The following ST14 variants were observed in gnomAD, a reference collection of about 807,000 sequenced individuals.
The protein encoded by ST14 is ST14 transmembrane serine protease matriptase.
A neutral mutation model predicts 96.5 loss-of-function variants in ST14; 40 were observed. That is an observed-to-expected ratio of 0.41 (90% CI 0.32 to 0.54). ST14 has a LOEUF of 0.54. ST14 is among the 20% of genes least tolerant of loss of function. The probability of loss-of-function intolerance (pLI) is 0.17; values close to 1 mark genes in which losing one functional copy is unlikely to be tolerated. For missense variants in ST14, 1,066 were observed against 1,188.9 expected, an observed-to-expected ratio of 0.90 and a Z score of 1.52; for synonymous variants, 506 against 492.1, an observed-to-expected ratio of 1.03 and a Z score of -0.37.
chr11:130,209,469 G>A lies in ST14; in HGVS notation c.2297G>A (p.Gly766Asp). 1.9e-6 allele frequency: 3 copies of A among 1,586,552 alleles called. No homozygotes were observed. The highest frequency in any genetic ancestry group is 2.6e-6 in the Non-Finnish European group (3 of 1,166,654). The change falls in exon 18 of 19, where the codon GGT becomes GAT. Residue 766 changes from glycine (G) to aspartate (D), a missense_variant. Gly to Asp is a moderately conservative substitution (Grantham distance 94). Coordinates refer to ENST00000278742, the MANE Select transcript of ST14 (RefSeq NM_021978.4). ...GGTGALILQK[G>D]EIRVINQTTC... is the part of the protein sequence containing the mutation. ...ACTGGCGCGCTGATCCTGCAAAAGG[G>A]TGAGATCCGCGTCATCAACCAGACC...
intron 17 of ST14, among the ~76,000 whole-genome samples, chr11:130,208,988 T>C (rs1953518056): frequency 6.6e-6 from 1 of 152,102 alleles, no homozygotes; most frequent in Non-Finnish European, 1.5e-5. Context: ...AGCCCAGTGG[T>C]GCTTAAGGCA....
chr11:130,183,719 G>C (rs904208624), intron 1 of ST14, among the ~76,000 whole-genome samples: 9 of 152,100 alleles, frequency 5.9e-5, no homozygotes, highest in Admixed American at 2.6e-4. Flanking sequence ...TGCATTTTTT[G>C]TCAGATTTAC....
In ST14 at chr11:130,188,291, T is replaced by G. The variant is rs754373507; in HGVS notation, c.241+18T>G. 4 of 1,609,304 alleles carry G rather than the reference T, an allele frequency of 2.5e-6. No individual in the cohort carries two copies. Among genetic ancestry groups the G allele is most frequent in the Non-Finnish European group, 3.4e-6 (4 of 1,176,864 alleles). On this transcript the variant is annotated intron_variant, in intron 2 of 18. Transcript: ENST00000278742. The surrounding 1 kb of genome is among the most constrained non-coding windows in gnomAD (Gnocchi z 5.4). ...TTTGCAGTGTGAGTAAAGCTGGGGC[T>G]GGCTCCGGGGAGGACGACAAGGGGT...
chr11:130,170,527 G>A (rs759981213), intron 1 of ST14, among the ~76,000 whole-genome samples: 8 of 152,240 alleles, frequency 5.3e-5, no homozygotes, highest in South Asian at 2.1e-4. Context: ...GAGAAAGTAC[G>A]GTGGCTTGTT....
At chr11:130,171,912 G>C (rs1953095367) in intron 1 of ST14, among the ~76,000 whole-genome samples, 1 of 152,226 alleles carries the variant, frequency 6.6e-6, no homozygotes. Context: ...AGTCCAGGGA[G>C]AGCCACGAAG....
intron 6 of ST14, 146 bp downstream of exon 6, chr11:130,190,294 C>G: frequency 6.8e-7 from 1 of 1,475,750 alleles, no homozygotes; most frequent in Non-Finnish European, 9.3e-7. Flanking sequence ...CTTCCAGGCC[C>G]TTCTGAGAAG....
chr11:130,209,854 C>T lies in ST14; in HGVS notation c.*31C>T, dbSNP rs765068566. 2.9e-5 allele frequency: 47 copies of T among 1,610,294 alleles called. No homozygotes were observed. The East Asian group carries it at 8.0e-4, about 28-fold the overall frequency. On this transcript the variant is annotated 3_prime_UTR_variant, in exon 19 of 19. Transcript: ENST00000278742. ...GGGGCCACCCAAATGTGTACACCTG[C>T]GGGGCCACCCATCGTCCACCCCAGT...
chr11:130,166,574 G>A (rs1565617053), intron 1 of ST14, among the ~76,000 whole-genome samples: 1 of 152,192 alleles, frequency 6.6e-6, no homozygotes, highest in Non-Finnish European at 1.5e-5. Context: ...GACACCAGCT[G>A]GGAGGGAAAG....
intron 1 of ST14, among the ~76,000 whole-genome samples, chr11:130,164,917 A>G (rs1953029425): frequency 6.6e-6 from 1 of 150,942 alleles, no homozygotes; most frequent in Non-Finnish European, 1.5e-5. Flanking sequence ...TTGTATTTTT[A>G]GTAGAGATGG....
intron 16 of ST14, among the ~76,000 whole-genome samples, chr11:130,201,567 C>A (rs1201073530): frequency 6.6e-6 from 1 of 152,262 alleles, no homozygotes; most frequent in Admixed American, 6.5e-5. Context: ...TCGCTGGGTG[C>A]TTGACACGTG....
chr11:130,195,296 G>C (rs1953348456), intron 9 of ST14, among the ~76,000 whole-genome samples: 10 of 151,870 alleles, frequency 6.6e-5, no homozygotes, highest in Admixed American at 6.6e-4. Flanking sequence ...ATGTGTCTTA[G>C]GGCCCAGGGT....
intron 1 of ST14, among the ~76,000 whole-genome samples, chr11:130,173,812 C>T (rs1953114228): frequency 6.6e-6 from 1 of 152,028 alleles, no homozygotes; most frequent in African/African-American, 2.4e-5. Context: ...CTCTGTAACC[C>T]CTCTGTCCAC....
chr11:130,160,924 G>C (rs1301484852), intron 1 of ST14, among the ~76,000 whole-genome samples: 4 of 152,182 alleles, frequency 2.6e-5, no homozygotes, highest in African/African-American at 9.7e-5. Flanking sequence ...TCAGGGCGGC[G>C]CTGAGAGGCA....
At position 130,194,640 on chromosome 11, in the gene ST14, G is replaced by A; in HGVS notation, c.1016G>A (p.Ser339Asn). 1 of 1,614,130 alleles carries A rather than the reference G, an allele frequency of 6.2e-7. No homozygotes were observed. Among genetic ancestry groups the A allele is most frequent in the South Asian group, 1.1e-5 (1 of 91,082 alleles). Residue 339 changes from serine to asparagine, a missense_variant and splice_region_variant, in exon 9 of 19, where the codon AGC (serine) becomes AAC (asparagine). Coordinates refer to ENST00000278742, the MANE Select transcript of ST14 (RefSeq NM_021978.4). ...ATFFQLPRMS[S>N]CGGRLRKAQG... ...TGCTTTCTCCCACCTTCCCTCTCAG[G>A]CTGTGGAGGCCGCTTACGTAAAGCC...
chr11:130,192,642 T>A lies in ST14; in HGVS notation c.876-1507T>A, dbSNP rs1012445055. ...CCTGACCTCAGGCAATCTGCCTGCC[T>A]TGGCCTCCCAAAGTACTGGGATTAC... On this transcript the variant is annotated intron_variant, in intron 7 of 18. Transcript: ENST00000278742. Among the ~76,000 whole-genome samples, 4 of 152,220 alleles carry A rather than the reference T, an allele frequency of 2.6e-5. No individual in the cohort carries two copies. The South Asian group carries it at 8.3e-4, about 32-fold the overall frequency.
chr11:130,200,728 G>T (rs554961016), intron 16 of ST14, among the ~76,000 whole-genome samples: 5 of 152,318 alleles, frequency 3.3e-5, no homozygotes, highest in African/African-American at 1.2e-4. Context: ...GCCAAGTGCT[G>T]TCTCTGTGCC....
intron 1 of ST14, among the ~76,000 whole-genome samples, chr11:130,178,289 TG>T (rs2136207026): frequency 8.7e-6 from 1 of 115,318 alleles, no homozygotes; most frequent in East Asian, 2.9e-4. Context: ...GAGTTTCTGA[TG>T]TTGGCAGAGC....
chr11:130,209,385 G>T (rs777768085), intron 17 of ST14, 57 bp from the exon 18 acceptor site: 2 of 1,551,132 alleles, frequency 1.3e-6, no homozygotes, highest in South Asian at 1.2e-5. Context: ...GGAGCGTCTC[G>T]AATGACGCTG....
At chr11:130,161,492 A>T (rs1350036409) in intron 1 of ST14, among the ~76,000 whole-genome samples, 1 of 152,064 alleles carries the variant, frequency 6.6e-6, no homozygotes, top group Admixed American at 6.5e-5. Flanking sequence ...CCACACGGGG[A>T]AAGCAGGGTC....
Sources: allele counts gnomAD v4.1 joint callset (sites outside exome capture counted in the v4.1 genomes callset), GRCh38; gene constraint gnomAD v4.1.1; non-coding constraint Gnocchi (gnomAD v3.1); transcripts MANE v1.5; gene names NCBI Gene and HGNC (gene_info 2026-07-23, HGNC 2026-07-21).